CNTN5: variants seen among roughly 807,000 people sequenced by gnomAD.
CNTN5 encodes contactin-5.
A neutral mutation model predicts 129.1 loss-of-function variants in CNTN5; 77 were observed. The ratio of observed to expected loss-of-function variants is 0.60; its 90% confidence interval spans 0.50 to 0.72. The LOEUF is 0.72. Ranked by LOEUF, CNTN5 falls within the 30% of genes least tolerant of loss-of-function variation. CNTN5 has a pLI of 0.00. For missense variants in CNTN5, 1,478 were observed against 1,328.8 expected (o/e 1.11, Z -1.75); for synonymous variants, 509 against 465.6 (o/e 1.09, Z -1.20).
At chr11:99,587,406 G>A (rs7948492) in intron 3 of CNTN5, among the ~76,000 whole-genome samples, 5,233 of 152,218 alleles carry the variant, frequency 0.034, 299 homozygotes, top group African/African-American at 0.12. Flanking sequence ...ATAAAGGAGC[G>A]ACAAATTCAA....
chr11:100,193,402 T>C (rs1204181158), intron 14 of CNTN5, 86 bp from the exon 15 acceptor site: 8 of 858,106 alleles, frequency 9.3e-6, no homozygotes, highest in Non-Finnish European at 1.4e-5. Context: ...ATAGATTTCT[T>C]CTTTTCTCAA....
At chr11:99,578,842 C>T (rs1285427936) in intron 3 of CNTN5, among the ~76,000 whole-genome samples, 3 of 152,246 alleles carry the variant, frequency 2.0e-5, no homozygotes, top group African/African-American at 7.2e-5. Context: ...AATTAGATCC[C>T]ATTTGTCAAT....
chr11:99,577,244 T>G (rs532555094), intron 3 of CNTN5, among the ~76,000 whole-genome samples: 2 of 152,196 alleles, frequency 1.3e-5, no homozygotes, highest in East Asian at 3.9e-4. Flanking sequence ...ACTTTTCACA[T>G]AGAGTTGTAG....
intron 3 of CNTN5, among the ~76,000 whole-genome samples, chr11:99,672,411 ATGGAGTTC>A (rs1953085081): frequency 6.6e-6 from 1 of 151,746 alleles, no homozygotes; most frequent in African/African-American, 2.4e-5. Flanking sequence ...TAGTGTGATG[ATGGAGTTC>A]TGGTAGGCTT....
chr11:99,493,678 G>T (rs1946120250), intron 2 of CNTN5, among the ~76,000 whole-genome samples: 1 of 152,066 alleles, frequency 6.6e-6, no homozygotes, highest in East Asian at 1.9e-4. Flanking sequence ...GAAAAGGCAG[G>T]GTAAAGGGAT....
At chr11:99,483,880 C>T (rs1945703086) in intron 2 of CNTN5, among the ~76,000 whole-genome samples, 3 of 152,002 alleles carry the variant, frequency 2.0e-5, no homozygotes, top group Admixed American at 2.0e-4. Flanking sequence ...TAGATCCCTG[C>T]CTTCTCACCC....
intron 2 of CNTN5, among the ~76,000 whole-genome samples, chr11:99,326,390 G>C (rs1224132876): frequency 1.3e-5 from 2 of 152,136 alleles, no homozygotes; most frequent in African/African-American, 2.4e-5. Flanking sequence ...AACTTGTTAG[G>C]TTAATCCAGG....
chr11:100,072,764 A>G (rs2137879372), intron 12 of CNTN5, among the ~76,000 whole-genome samples: 1 of 152,218 alleles, frequency 6.6e-6, no homozygotes, highest in East Asian at 1.9e-4. Flanking sequence ...TCTCCACATT[A>G]CAACAAATCC....
intron 6 of CNTN5, among the ~76,000 whole-genome samples, chr11:99,888,110 G>C (rs903165473): frequency 3.3e-5 from 5 of 152,062 alleles, no homozygotes; most frequent in African/African-American, 1.2e-4. Context: ...GAGGTAATAC[G>C]TATATAGCAC....
intron 6 of CNTN5, among the ~76,000 whole-genome samples, chr11:99,906,796 G>T (rs181589982): frequency 1.3e-5 from 2 of 152,160 alleles, no homozygotes; most frequent in East Asian, 1.9e-4. Context: ...TGGTTGGTAG[G>T]CTATTAATTA....
At chr11:99,201,354 C>CCTTCCTTCCTTCCTTA (rs1859185652) in intron 1 of CNTN5, among the ~76,000 whole-genome samples, 3 of 143,822 alleles carry the variant, frequency 2.1e-5, no homozygotes, top group Non-Finnish European at 4.6e-5. Flanking sequence ...CCTTTCCTTT[C>CCTTCCTTCCTTCCTTA]CTTCCTTCCT....
chr11:99,300,052 C>T (rs1345005743), intron 1 of CNTN5, among the ~76,000 whole-genome samples: 1 of 152,066 alleles, frequency 6.6e-6, no homozygotes, highest in African/African-American at 2.4e-5. Context: ...TCCTTGCCAA[C>T]ATTTGTTATT....
chr11:100,207,449 T>G (rs986288758), intron 15 of CNTN5, among the ~76,000 whole-genome samples: 2 of 152,132 alleles, frequency 1.3e-5, no homozygotes, highest in African/African-American at 4.8e-5. Context: ...CAGGCAAAAT[T>G]AGATAAAATA....
Position 100,356,363 on chromosome 11 carries a change from TA to T in CNTN5, c.*144del, listed in dbSNP as rs1390737259. The T allele has an allele frequency of 6.3e-6, 4 of 637,274 alleles. No homozygotes were observed. The highest frequency in any genetic ancestry group is 1.9e-5 in the South Asian group (1 of 53,622). The allele number at this position is 637,274 out of a possible 1,614,324, so 39.5% of individuals were successfully genotyped here. On this transcript the variant is annotated 3_prime_UTR_variant, in exon 25 of 25. Coordinates refer to ENST00000524871, the MANE Select transcript of CNTN5 (RefSeq NM_014361.4). ...TATACATGGTGAACTTACAGGAGGT[TA>T]GGGGGGAAATATTACTTATCCATCA...
chr11:99,337,119 T>A (rs1866263113), intron 2 of CNTN5, among the ~76,000 whole-genome samples: 1 of 152,184 alleles, frequency 6.6e-6, no homozygotes, highest in Non-Finnish European at 1.5e-5. Context: ...GTCCGTTCAA[T>A]TTTTTCCTAA....
chr11:99,705,885 G>A (rs558257940), intron 3 of CNTN5, among the ~76,000 whole-genome samples: 1 of 151,536 alleles, frequency 6.6e-6, no homozygotes, highest in South Asian at 2.1e-4. Context: ...AAGGAATACA[G>A]ACCAGTGTTA....
intron 3 of CNTN5, among the ~76,000 whole-genome samples, chr11:99,706,131 G>GCCT (rs1237518805): frequency 6.6e-6 from 1 of 151,458 alleles, no homozygotes; most frequent in Non-Finnish European, 1.5e-5. Context: ...TGTGGCTAGT[G>GCCT]CTGCTATCAA....
chr11:99,892,621 A>C (rs573250779), intron 6 of CNTN5, among the ~76,000 whole-genome samples: 93 of 152,280 alleles, frequency 6.1e-4, no homozygotes, highest in Non-Finnish European at 6.6e-4. Context: ...AGGTTTGTCA[A>C]AGATCAAATG....
chr11:99,921,663 C>T (rs985350893), intron 7 of CNTN5, among the ~76,000 whole-genome samples: 4 of 152,152 alleles, frequency 2.6e-5, no homozygotes, highest in Non-Finnish European at 5.9e-5. Flanking sequence ...GGTTACAATG[C>T]AAATTCTACT....
Sources: gnomAD v4.1 joint callset for allele counts (sites outside exome capture counted in the v4.1 genomes callset) on GRCh38, gnomAD v4.1.1 for gene constraint, MANE v1.5 for transcripts, NCBI Gene and HGNC (gene_info 2026-07-23, HGNC 2026-07-21) for gene names.